LSAMP: variants seen among roughly 807,000 people sequenced by gnomAD.
The protein encoded by LSAMP is limbic system-associated membrane protein.
LSAMP carries 7 observed loss-of-function variants against 38.6 expected under a neutral mutation model. The ratio of observed to expected loss-of-function variants is 0.18; its 90% CI spans 0.10 to 0.34. LSAMP has a LOEUF of 0.34. Among genes scored for constraint, LSAMP ranks in the 10% least tolerant of loss-of-function variants. LSAMP has a pLI of 1.00. For missense variants in LSAMP, 313 were observed against 420.0 expected, an observed-to-expected ratio of 0.75 and a Z score of 2.23; for synonymous variants, 154 against 166.8, an observed-to-expected ratio of 0.92 and a Z score of 0.59.
At chr3:116,011,903 G>A (rs1236663376) in intron 3 of LSAMP, among the ~76,000 whole-genome samples, 2 of 152,134 alleles carry the variant, frequency 1.3e-5, no homozygotes, top group African/African-American at 4.8e-5. Context: ...TGATTCATGA[G>A]ACCTGAGATT....
At chr3:116,072,124 T>C (rs368171237) in intron 2 of LSAMP, among the ~76,000 whole-genome samples, 15 of 152,050 alleles carry the variant, frequency 9.9e-5, no homozygotes, top group African/African-American at 3.1e-4. Flanking sequence ...TACAGGCACC[T>C]GCCACCACGC....
At chr3:115,982,016 C>T (rs1017706445) in intron 3 of LSAMP, among the ~76,000 whole-genome samples, 3 of 152,170 alleles carry the variant, frequency 2.0e-5, no homozygotes, top group African/African-American at 4.8e-5. Flanking sequence ...CTCTTGTATG[C>T]TTCTTGGTCA....
At chr3:116,174,616 C>T (rs1473810799) in intron 1 of LSAMP, among the ~76,000 whole-genome samples, 1 of 151,922 alleles carries the variant, frequency 6.6e-6, no homozygotes, top group East Asian at 1.9e-4. Context: ...TGTCCCTTCT[C>T]CTTCACTTCA....
chr3:116,296,510 T>C (rs2047336134), intron 1 of LSAMP, among the ~76,000 whole-genome samples: 2 of 151,096 alleles, frequency 1.3e-5, no homozygotes, highest in Admixed American at 1.3e-4. Flanking sequence ...TGAAACCCCG[T>C]CTCTACTAAA....
intron 3 of LSAMP, among the ~76,000 whole-genome samples, chr3:116,017,224 T>C (rs997169324): frequency 6.6e-6 from 1 of 152,168 alleles, no homozygotes; most frequent in Non-Finnish European, 1.5e-5. Flanking sequence ...TAAAAAGGAA[T>C]CTATCTTTAA....
chr3:116,101,351 G>A (rs1037354689), intron 1 of LSAMP, among the ~76,000 whole-genome samples: 1 of 152,144 alleles, frequency 6.6e-6, no homozygotes, highest in African/African-American at 2.4e-5. Flanking sequence ...GAAAAATGAT[G>A]ATATCTATGA....
intron 1 of LSAMP, among the ~76,000 whole-genome samples, chr3:116,249,389 TA>T (rs1400741531): frequency 2.1e-4 from 12 of 55,906 alleles, no homozygotes; most frequent in African/African-American, 4.2e-4. Flanking sequence ...GAAGATTCTA[TA>T]TTTTTTTTTT....
intron 3 of LSAMP, among the ~76,000 whole-genome samples, chr3:115,903,394 C>T (rs1169430666): frequency 6.6e-6 from 1 of 152,026 alleles, no homozygotes; most frequent in African/African-American, 2.4e-5. Context: ...CGGTACTAGA[C>T]TTTATAGCTG....
intron 1 of LSAMP, among the ~76,000 whole-genome samples, chr3:116,122,757 C>T (rs1708912655): frequency 6.6e-6 from 1 of 152,126 alleles, no homozygotes. Flanking sequence ...CAAATCTCAA[C>T]CTCACAGGAA....
intron 3 of LSAMP, among the ~76,000 whole-genome samples, chr3:115,947,788 G>A (rs144177960): frequency 6.6e-6 from 1 of 152,194 alleles, no homozygotes; most frequent in African/African-American, 2.4e-5. Context: ...AAGAGTAAGA[G>A]AGGGATGAAC....
intron 1 of LSAMP, among the ~76,000 whole-genome samples, chr3:116,398,687 T>C (rs910534960): frequency 1.3e-5 from 2 of 152,180 alleles, no homozygotes; most frequent in Non-Finnish European, 2.9e-5. Context: ...TAAAAGAGTC[T>C]GTAATTTAGA....
chr3:116,390,589 G>T (rs978037226), intron 1 of LSAMP, among the ~76,000 whole-genome samples: 1 of 151,896 alleles, frequency 6.6e-6, no homozygotes, highest in Non-Finnish European at 1.5e-5. Flanking sequence ...CATTAGCTGG[G>T]CATGGTGGCA....
rs908365049 is a variant in LSAMP at position 115,869,772 on chromosome 3, G to A, written c.515-17155C>T. 2.0e-5 allele frequency among the ~76,000 whole-genome samples: 3 copies of A among 152,070 alleles called. No homozygotes were observed. The South Asian group carries it at 6.2e-4, about 31-fold the overall frequency. On this transcript the variant is annotated intron_variant, in intron 3 of 6. Transcript: ENST00000490035. ...TGAATCACTTGTAAAATGTTAGATTGTAGATTAAATGCATACGTCTTTTCC... is the reference window on the plus strand; with the variant it reads ...TGAATCACTTGTAAAATGTTAGATTATAGATTAAATGCATACGTCTTTTCC...
intron 3 of LSAMP, among the ~76,000 whole-genome samples, chr3:115,930,479 G>A (rs187882720): frequency 1.3e-5 from 2 of 152,210 alleles, no homozygotes; most frequent in East Asian, 1.9e-4. Flanking sequence ...TCTTAGCTAG[G>A]TTAGTCTCCT....
chr3:116,081,239 G>A (rs1707864390), intron 2 of LSAMP, among the ~76,000 whole-genome samples: 1 of 152,128 alleles, frequency 6.6e-6, no homozygotes, highest in African/African-American at 2.4e-5. Flanking sequence ...TGAGGCGGGT[G>A]GATCACAAGG....
intron 1 of LSAMP, among the ~76,000 whole-genome samples, chr3:116,162,382 G>A (rs2107540150): frequency 6.6e-6 from 1 of 152,234 alleles, no homozygotes; most frequent in Admixed American, 6.5e-5. Flanking sequence ...CAGGAAGAGG[G>A]AGGGATTCTG....
intron 3 of LSAMP, among the ~76,000 whole-genome samples, chr3:115,939,155 A>G (rs573412244): frequency 6.6e-6 from 1 of 152,294 alleles, no homozygotes; most frequent in Admixed American, 6.5e-5. Context: ...AAGTCCAACT[A>G]ATAAAAAGCA....
intron 1 of LSAMP, among the ~76,000 whole-genome samples, chr3:116,440,148 T>C (rs1378389453): frequency 6.6e-6 from 1 of 152,086 alleles, no homozygotes; most frequent in African/African-American, 2.4e-5. Flanking sequence ...AACTAAGAGG[T>C]AGGACATTGA....
chr3:116,177,436 C>T (rs56138725), intron 1 of LSAMP, among the ~76,000 whole-genome samples: 10,258 of 151,950 alleles, frequency 0.068, 454 homozygotes, highest in East Asian at 0.09. Flanking sequence ...TCCCACAAGG[C>T]AAGCAGGATA....
Sources: allele counts gnomAD v4.1 joint callset (sites outside exome capture counted in the v4.1 genomes callset), GRCh38; gene constraint gnomAD v4.1.1; transcripts MANE v1.5; gene names NCBI Gene and HGNC (gene_info 2026-07-23, HGNC 2026-07-21).